The following PLPP1 variants were observed in gnomAD, a reference collection of about 807,000 sequenced individuals.
The protein encoded by PLPP1 is phospholipid phosphatase 1.
PLPP1 carries 24 observed loss-of-function variants against 31.2 expected under a neutral mutation model. The observed-to-expected ratio is 0.77, with a 90% CI of 0.56 to 1.08. The LOEUF is 1.08. Among genes scored for constraint, PLPP1 ranks in the 50% least tolerant of loss-of-function variants. The pLI is 0.00. For synonymous variants in PLPP1, 146 were observed against 126.3 expected (o/e 1.16, Z -1.05); for missense variants, 319 against 342.7 (o/e 0.93, Z 0.55).
intron 4 of PLPP1, among the ~76,000 whole-genome samples, chr5:55,437,665 T>G (rs761949172): frequency 6.6e-5 from 10 of 152,206 alleles, no homozygotes; most frequent in Non-Finnish European, 1.5e-4. Flanking sequence ...CACCTACATT[T>G]GATGACAGAT....
At chr5:55,532,663 TAA>T (rs1740712220) in intron 1 of PLPP1, among the ~76,000 whole-genome samples, 1 of 152,214 alleles carries the variant, frequency 6.6e-6, no homozygotes, top group African/African-American at 2.4e-5. Context: ...TGTGTTTTTA[TAA>T]AGACAGTGTT....
intron 3 of PLPP1, among the ~76,000 whole-genome samples, chr5:55,457,097 T>C (rs992622473): frequency 2.6e-5 from 4 of 151,474 alleles, no homozygotes; most frequent in Admixed American, 1.3e-4. Context: ...GAGGCAGAGG[T>C]TGCAGTGAGC....
At chr5:55,521,516 CA>C (rs1203949104) in intron 1 of PLPP1, among the ~76,000 whole-genome samples, 2 of 147,906 alleles carry the variant, frequency 1.4e-5, no homozygotes, top group South Asian at 4.3e-4. Flanking sequence ...GACTCTGTCT[CA>C]AAAAAAAACA....
At chr5:55,491,127 G>A in intron 1 of PLPP1, 1 of 1,599,310 alleles carries the variant, frequency 6.3e-7, no homozygotes, top group Non-Finnish European at 8.5e-7. Context: ...GTTGGGGAAG[G>A]GAAAAAAAGA....
chr5:55,440,426 C>T (rs1482229499), intron 4 of PLPP1, among the ~76,000 whole-genome samples: 1 of 152,194 alleles, frequency 6.6e-6, no homozygotes, highest in African/African-American at 2.4e-5. Context: ...TGTTGTCTCA[C>T]TTAAGAAAGA....
chr5:55,455,226 C>CAGAAAAAAAG (rs1483349210), intron 3 of PLPP1, among the ~76,000 whole-genome samples: 1 of 151,354 alleles, frequency 6.6e-6, no homozygotes, highest in African/African-American at 2.4e-5. Context: ...AAATAAAAGC[C>CAGAAAAAAAG]AGAAAAAAAG....
intron 3 of PLPP1, among the ~76,000 whole-genome samples, chr5:55,444,067 A>C (rs1175237080): frequency 6.6e-6 from 1 of 151,926 alleles, no homozygotes; most frequent in Non-Finnish European, 1.5e-5. Context: ...AATAAATCCC[A>C]AGGAGTAGCC....
At chr5:55,488,518 T>C (rs1752821269) in intron 1 of PLPP1, among the ~76,000 whole-genome samples, 1 of 151,956 alleles carries the variant, frequency 6.6e-6, no homozygotes, top group Non-Finnish European at 1.5e-5. Flanking sequence ...TGGTTGTGTG[T>C]GCCTGTAGTC....
chr5:55,454,914 A>G (rs538452567), intron 3 of PLPP1, among the ~76,000 whole-genome samples: 33 of 152,342 alleles, frequency 2.2e-4, no homozygotes, highest in Non-Finnish European at 5.9e-5. Flanking sequence ...CAAAATGTAA[A>G]GCCAGTTGTA....
At chr5:55,460,200 T>TA (rs1296308631) in intron 3 of PLPP1, among the ~76,000 whole-genome samples, 79 of 152,186 alleles carry the variant, frequency 5.2e-4, no homozygotes, top group Middle Eastern at 3.4e-3. Context: ...TTCAGTTAAA[T>TA]AAAGATCCAA....
intron 1 of PLPP1, among the ~76,000 whole-genome samples, chr5:55,517,219 C>T (rs959816552): frequency 6.6e-6 from 1 of 152,156 alleles, no homozygotes; most frequent in Non-Finnish European, 1.5e-5. Context: ...GACCCTATCT[C>T]ACTCTGTCGC....
At chr5:55,445,533 CTCTTTT>C (rs1751742069) in intron 3 of PLPP1, among the ~76,000 whole-genome samples, 1 of 120,926 alleles carries the variant, frequency 8.3e-6, no homozygotes, top group Non-Finnish European at 1.6e-5. Flanking sequence ...TTTGCATTCA[CTCTTTT>C]TTTTTTTTTT....
intron 1 of PLPP1, chr5:55,530,050 T>C (rs1740608258): frequency 3.1e-6 from 2 of 637,474 alleles, no homozygotes; most frequent in East Asian, 5.2e-5. Flanking sequence ...ATGACTGAAT[T>C]ACTTTTATTA....
intron 3 of PLPP1, among the ~76,000 whole-genome samples, chr5:55,455,558 C>T (rs186532713): frequency 3.3e-5 from 5 of 152,194 alleles, no homozygotes; most frequent in African/African-American, 1.2e-4. Flanking sequence ...GAGGTCAAGG[C>T]TGTAGTGCGC....
chr5:55,509,458 G>A (rs1753357661), intron 1 of PLPP1, among the ~76,000 whole-genome samples: 1 of 152,078 alleles, frequency 6.6e-6, no homozygotes, highest in African/African-American at 2.4e-5. Flanking sequence ...TGGCTGACAT[G>A]GTTTTATTAT....
At chr5:55,433,846 AAG>A (rs1751427443) in intron 4 of PLPP1, among the ~76,000 whole-genome samples, 1 of 151,622 alleles carries the variant, frequency 6.6e-6, no homozygotes, top group Non-Finnish European at 1.5e-5. Context: ...GAAAGAAATC[AAG>A]AGGTCAGGCC....
chr5:55,503,869 G>A (rs1262952407), intron 1 of PLPP1, among the ~76,000 whole-genome samples: 1 of 77,866 alleles, frequency 1.3e-5, no homozygotes, highest in Admixed American at 1.3e-4. Flanking sequence ...AGGAGAGGGG[G>A]CAGGGGAAGA....
chr5:55,524,542 G>A (rs1201534719), intron 1 of PLPP1, among the ~76,000 whole-genome samples: 2 of 152,140 alleles, frequency 1.3e-5, no homozygotes, highest in Non-Finnish European at 2.9e-5. Context: ...CAGGTGCAGT[G>A]GCTCACACCT....
intron 2 of PLPP1, among the ~76,000 whole-genome samples, chr5:55,474,945 T>C (rs1350986862): frequency 6.6e-6 from 1 of 152,160 alleles, no homozygotes; most frequent in Non-Finnish European, 1.5e-5. Context: ...TCTGTTTTTT[T>C]TTAAGATGGG....
Sources: gnomAD v4.1 joint callset for allele counts (sites outside exome capture counted in the v4.1 genomes callset) on GRCh38, gnomAD v4.1.1 for gene constraint, MANE v1.5 for transcripts, NCBI Gene and HGNC (gene_info 2026-07-23, HGNC 2026-07-21) for gene names.